Variants in TBC1D23 observed in about 807,000 individuals in gnomAD.
The protein encoded by TBC1D23 is HCV non-structural protein 4A-transactivated protein 1.
TBC1D23 carries 55 observed loss-of-function variants against 91.4 expected under a neutral mutation model. The observed-to-expected ratio is 0.60, with a 90% CI of 0.48 to 0.75. The LOEUF is 0.75. TBC1D23 is among the 30% of genes least tolerant of loss of function. TBC1D23 has a pLI of 0.00. For synonymous variants in TBC1D23, 289 were observed against 281.0 expected (o/e 1.03, Z -0.28); for missense variants, 725 against 836.1 (o/e 0.87, Z 1.64).
intron 9 of TBC1D23, among the ~76,000 whole-genome samples, chr3:100,298,699 CT>C (rs1374289415): frequency 6.6e-6 from 1 of 152,192 alleles, no homozygotes; most frequent in Non-Finnish European, 1.5e-5. Flanking sequence ...AAGCATCTCA[CT>C]TTTTTCTTAT....
chr3:100,281,531 A>T (rs1204889954), intron 2 of TBC1D23, among the ~76,000 whole-genome samples: 1 of 152,232 alleles, frequency 6.6e-6, no homozygotes, highest in African/African-American at 2.4e-5. Context: ...GTATTCACTA[A>T]ATCAACATGA....
chr3:100,279,356 T>C lies in TBC1D23; in HGVS notation c.54-293T>C, dbSNP rs895465737. ...AAGTTATTACCACCACCAGGAATACTGTTATTACTATGACTTCACAGTGCT... is the reference window on the plus strand; with the variant it reads ...AAGTTATTACCACCACCAGGAATACCGTTATTACTATGACTTCACAGTGCT... On this transcript the variant is annotated intron_variant, in intron 1 of 18. Transcript: ENST00000394144. The C allele has an allele frequency of 6.5e-5, 15 of 231,024 alleles. No homozygotes were observed. The Admixed American group carries it at 7.7e-4, about 12-fold the overall frequency. The allele number at this position is 231,024 out of a possible 1,614,324, so 14.3% of individuals were successfully genotyped here. A position where few individuals can be genotyped will look rare whatever the true frequency, so the allele number is the denominator to read the frequency against.
intron 2 of TBC1D23, among the ~76,000 whole-genome samples, chr3:100,280,070 A>G (rs2148854048): frequency 6.6e-6 from 1 of 152,232 alleles, no homozygotes; most frequent in Middle Eastern, 3.4e-3. Flanking sequence ...AGATCACCTG[A>G]GGTCAGGAGT....
At chr3:100,321,444 G>A (rs1030112591) in intron 18 of TBC1D23, among the ~76,000 whole-genome samples, 2 of 151,984 alleles carry the variant, frequency 1.3e-5, no homozygotes, top group Non-Finnish European at 2.9e-5. Context: ...CAAGAGCTGT[G>A]GACCACACTG....
chr3:100,274,534 G>A (rs1024389555), intron 1 of TBC1D23, among the ~76,000 whole-genome samples: 6 of 151,906 alleles, frequency 3.9e-5, no homozygotes, highest in African/African-American at 1.5e-4. Context: ...TCATCTTGCA[G>A]AACTGAAACT....
intron 1 of TBC1D23, among the ~76,000 whole-genome samples, chr3:100,273,296 C>G (rs2067616473): frequency 6.6e-6 from 1 of 152,166 alleles, no homozygotes; most frequent in Non-Finnish European, 1.5e-5. Flanking sequence ...CCTGAGTTGA[C>G]ACAGCACATG....
intron 16 of TBC1D23, among the ~76,000 whole-genome samples, chr3:100,316,579 A>G (rs1705749357): frequency 6.6e-6 from 1 of 152,130 alleles, no homozygotes; most frequent in Non-Finnish European, 1.5e-5. Flanking sequence ...ATCAGTGTGG[A>G]AATAGTATTT....
chr3:100,263,059 G>A (rs1367690977), intron 1 of TBC1D23, among the ~76,000 whole-genome samples: 1 of 152,204 alleles, frequency 6.6e-6, no homozygotes, highest in Non-Finnish European at 1.5e-5. Context: ...GAGCAATAAA[G>A]CTTTTAATCA....
chr3:100,306,025 A>C (rs1419419267), intron 12 of TBC1D23, among the ~76,000 whole-genome samples: 3 of 152,196 alleles, frequency 2.0e-5, no homozygotes, highest in Non-Finnish European at 4.4e-5. Context: ...ATGGCTAACA[A>C]TGCTTCTTTA....
Position 100,296,281 on chromosome 3 carries a change from AGACCAGAAAT to A in TBC1D23, c.876+12_876+21del, listed in dbSNP as rs1356080016. ...CACCGGCTTCTTTTAGGAAGGTATA[AGACCAGAAAT>A]GACCAACTATGTTGTATTTCATATT... is the stretch of plus-strand genomic sequence containing the variant. On this transcript the variant is annotated splice_region_variant and intron_variant, in intron 8 of 18. Transcript: ENST00000394144. 1 of 1,506,932 alleles carries A rather than the reference AGACCAGAAAT, an allele frequency of 6.6e-7. No homozygotes were observed. The highest frequency in any genetic ancestry group is 1.2e-5 in the South Asian group (1 of 84,322). 93.3% of individuals were successfully genotyped at this position (1,506,932 alleles called of 1,614,324 possible).
chr3:100,285,519 T>C (rs902750049), intron 4 of TBC1D23, among the ~76,000 whole-genome samples: 1 of 152,256 alleles, frequency 6.6e-6, no homozygotes, highest in Admixed American at 6.5e-5. Flanking sequence ...TTTTTTACTA[T>C]TATGAGTATG....
In TBC1D23 at chr3:100,310,529, A is replaced by C; in HGVS notation, c.1540A>C (p.Thr514Pro). The C allele has an allele frequency of 5.6e-6, 9 of 1,612,158 alleles. No homozygotes were observed. Among genetic ancestry groups the C allele is most frequent in the Non-Finnish European group, 7.6e-6 (9 of 1,179,198 alleles). Reference sequence around the variant, plus strand: ...TATCAGTTTTATAGAGAATACATCAACTCCTGTGGATCGGTGAGTTGTTTA... The same window carrying C: ...TATCAGTTTTATAGAGAATACATCACCTCCTGTGGATCGGTGAGTTGTTTA... The part of the protein sequence containing the change: ...KVISFIENTS[T>P]PVDRMSFNLP... Residue 514 changes from threonine (T) to proline (P), a missense_variant, in exon 14 of 19, where the codon ACT becomes CCT. Transcript: ENST00000394144.
At chr3:100,295,050 A>G (rs767096681) in intron 5 of TBC1D23, 37 bp from the exon 6 acceptor site, 1 of 1,531,512 alleles carries the variant, frequency 6.5e-7, no homozygotes, top group Non-Finnish European at 8.7e-7. Flanking sequence ...AGTCACCTCC[A>G]GTGGTTTATG....
Position 100,323,709 on chromosome 3 carries a change from G to T in TBC1D23, c.*41G>T, listed in dbSNP as rs1705905406. 1.8e-6 allele frequency: 2 copies of T among 1,084,018 alleles called. No individual in the cohort carries two copies. Among genetic ancestry groups the T allele is most frequent in the South Asian group, 2.0e-5 (1 of 50,098 alleles). The allele number at this position is 1,084,018 out of a possible 1,614,324, so 67.1% of individuals were successfully genotyped here. A position where few individuals can be genotyped will look rare whatever the true frequency, so the allele number is the denominator to read the frequency against. On this transcript the variant is annotated 3_prime_UTR_variant, in exon 19 of 19. Transcript: ENST00000394144. The stretch of plus-strand genomic sequence containing the variant: ...TATAAAAAGAAATTAAGACAACCAA[G>T]AGAAACATGGACATATACCTCCTGA...
At chr3:100,317,927 TTTTTATATAC>T (rs1481488008) in intron 16 of TBC1D23, among the ~76,000 whole-genome samples, 1 of 146,512 alleles carries the variant, frequency 6.8e-6, no homozygotes. Context: ...AGTAGTCTAC[TTTTTATATAC>T]ATTTATATAC....
chr3:100,281,315 T>G (rs1303087721), intron 2 of TBC1D23, among the ~76,000 whole-genome samples: 3 of 152,190 alleles, frequency 2.0e-5, no homozygotes, highest in Admixed American at 2.0e-4. Flanking sequence ...TTTAAATCAA[T>G]ACAGTTTATT....
chr3:100,261,047 T>A lies in TBC1D23; in HGVS notation c.29T>A (p.Leu10Gln), dbSNP rs748750160. 9.9e-6 allele frequency: 16 copies of A among 1,614,020 alleles called. No homozygotes were observed. The highest frequency in any genetic ancestry group is 1.4e-5 in the Non-Finnish European group (16 of 1,179,978). Residue 10 changes from leucine (L) to glutamine (Q), a missense_variant, in exon 1 of 19, where the codon CTG (leucine) becomes CAG (glutamine). Physicochemically the swap from Leu to Gln is moderately radical, Grantham distance 113 (BLOSUM62 -2). Transcript: ENST00000394144. MAEGEDVPP[L>Q]PTSSGDGWEK... ...GCGGAAGGAGAAGATGTGCCGCCGCTGCCAACGTCGAGCGGCGACGGCTGG... is the reference window on the plus strand; with the variant it reads ...GCGGAAGGAGAAGATGTGCCGCCGCAGCCAACGTCGAGCGGCGACGGCTGG...
At chr3:100,282,507 T>C (rs2067703773) in intron 3 of TBC1D23, among the ~76,000 whole-genome samples, 2 of 152,340 alleles carry the variant, frequency 1.3e-5, no homozygotes, top group Middle Eastern at 3.4e-3. Context: ...TGGACTGCTG[T>C]AGAGAAACTA....
intron 8 of TBC1D23, among the ~76,000 whole-genome samples, chr3:100,296,777 G>A (rs140367289): frequency 0.042 from 6,373 of 150,850 alleles, 292 homozygotes; most frequent in East Asian, 0.22. Context: ...GGAGAATGGC[G>A]TGAACCCAGG....
Sources: gnomAD v4.1 joint callset for allele counts (sites outside exome capture counted in the v4.1 genomes callset) on GRCh38, gnomAD v4.1.1 for gene constraint, MANE v1.5 for transcripts, NCBI Gene and HGNC (gene_info 2026-07-23, HGNC 2026-07-21) for gene names.